The following CLIC4 variants were observed in gnomAD, a reference collection of about 807,000 sequenced individuals.
CLIC4 encodes the protein CLIC family member 4.
In CLIC4, 13 loss-of-function variants were observed where a neutral mutation model predicts 24.6. The observed-to-expected ratio is 0.53, with a 90% CI of 0.34 to 0.84. CLIC4 has a LOEUF of 0.84. Among genes scored for constraint, CLIC4 ranks in the 40% least tolerant of loss-of-function variants. The probability of loss-of-function intolerance (pLI) is 0.01; values close to 1 mark genes in which losing one functional copy is unlikely to be tolerated. For missense variants in CLIC4, 227 were observed against 301.7 expected (o/e 0.75, Z 1.83); for synonymous variants, 104 against 111.3 (o/e 0.93, Z 0.41).
In CLIC4 at chr1:24,841,562, A is replaced by G. The variant is rs901916932; in HGVS notation, c.*625A>G. On this transcript the variant is annotated 3_prime_UTR_variant, in exon 6 of 6. Transcript: ENST00000374379. ...GTAGATAGATTTTTACTTTTGCCTA[A>G]AAGCATTTATCCTTCATACCAATTG... is the stretch of plus-strand genomic sequence containing the variant. The G allele has an allele frequency of 1.3e-5, 2 of 152,154 alleles. No homozygotes were observed. The highest frequency in any genetic ancestry group is 3.8e-4 in the East Asian group (2 of 5,202). The allele number at this position is 152,154 out of a possible 1,614,324, so 9.4% of individuals were successfully genotyped here.
At chr1:24,806,847 A>G (rs993116806) in intron 2 of CLIC4, among the ~76,000 whole-genome samples, 7 of 152,332 alleles carry the variant, frequency 4.6e-5, no homozygotes, top group African/African-American at 1.4e-4. Context: ...CAGATCTTAT[A>G]AAGAGGAAAT....
intron 2 of CLIC4, among the ~76,000 whole-genome samples, chr1:24,799,798 G>A (rs1571249958): frequency 1.1e-5 from 1 of 88,102 alleles, no homozygotes; most frequent in African/African-American, 4.5e-5. Context: ...GAGGTGAGGG[G>A]CGCCTCTGCC....
chr1:24,798,078 T>A (rs1368493695), intron 2 of CLIC4: 2 of 388,336 alleles, frequency 5.2e-6, no homozygotes, highest in African/African-American at 4.2e-5. Context: ...TTACCTTAAA[T>A]TTCATGAGTA....
chr1:24,798,154 A>T (rs1571248472), intron 2 of CLIC4, among the ~76,000 whole-genome samples: 1 of 152,216 alleles, frequency 6.6e-6, no homozygotes, highest in African/African-American at 2.4e-5. Context: ...CAGTGTAAAC[A>T]TGGAGTCATG....
chr1:24,762,314 T>G (rs1226367211), intron 1 of CLIC4, among the ~76,000 whole-genome samples: 1 of 152,054 alleles, frequency 6.6e-6, no homozygotes, highest in African/African-American at 2.4e-5. Context: ...CCTAGCTACT[T>G]CAGGAGGCTG....
intron 4 of CLIC4, 49 bp downstream of exon 4, chr1:24,827,165 A>C: frequency 8.9e-7 from 1 of 1,119,184 alleles, no homozygotes; most frequent in Non-Finnish European, 1.3e-6. Context: ...ACCCCAAACA[A>C]CAACAGGCTG....
rs570416493 is a variant in CLIC4 at position 24,797,685 on chromosome 1, G to T, written c.73-57G>T. The T allele has an allele frequency of 2.2e-5, 27 of 1,209,724 alleles. No homozygotes were observed. In the African/African-American group the frequency reaches 3.9e-4, roughly 17 times the overall value. 74.9% of individuals were successfully genotyped at this position (1,209,724 alleles called of 1,614,324 possible). A position where few individuals can be genotyped will look rare whatever the true frequency, so the allele number is the denominator to read the frequency against. ...TTGATTAAAATTCAGAAAAAGTTAT[G>T]TCATGTTGAGTATCATCACTTTGAC... On this transcript the variant is annotated intron_variant, in intron 1 of 5. Transcript: ENST00000374379.
At chr1:24,826,885 T>C (rs1639791578) in intron 3 of CLIC4, 125 bp from the exon 4 acceptor site, 2 of 586,728 alleles carry the variant, frequency 3.4e-6, no homozygotes, top group Non-Finnish European at 6.0e-6. Flanking sequence ...AGAAAACAAA[T>C]GATGGTATTT....
At chr1:24,777,084 G>A (rs1005205050) in intron 1 of CLIC4, among the ~76,000 whole-genome samples, 5 of 152,128 alleles carry the variant, frequency 3.3e-5, no homozygotes, top group African/African-American at 1.2e-4. Flanking sequence ...TCTCCTTTGT[G>A]TGTGTGCATG....
chr1:24,814,964 A>T (rs937878568), intron 3 of CLIC4, among the ~76,000 whole-genome samples: 1 of 152,178 alleles, frequency 6.6e-6, no homozygotes, highest in African/African-American at 2.4e-5. Context: ...GAATGGGATT[A>T]TTGAGATGGA....
At chr1:24,794,033 T>G (rs990924447) in intron 1 of CLIC4, among the ~76,000 whole-genome samples, 3 of 151,772 alleles carry the variant, frequency 2.0e-5, no homozygotes, top group African/African-American at 7.3e-5. Flanking sequence ...AACGTTCTCT[T>G]CCAGCATTCC....
At chr1:24,762,299 A>AT (rs1401701259) in intron 1 of CLIC4, among the ~76,000 whole-genome samples, 1 of 152,140 alleles carries the variant, frequency 6.6e-6, no homozygotes, top group Non-Finnish European at 1.5e-5. Context: ...TCACATGCCT[A>AT]TAGTCCTAGC....
At chr1:24,798,071 C>T in intron 2 of CLIC4, 1 of 393,844 alleles carries the variant, frequency 2.5e-6, no homozygotes, top group Non-Finnish European at 4.6e-6. Flanking sequence ...TGTATGTTTA[C>T]CTTAAATTTC....
chr1:24,824,996 TCACACACACACACACACACA>T (rs3220273), intron 3 of CLIC4, among the ~76,000 whole-genome samples: 6 of 133,866 alleles, frequency 4.5e-5, no homozygotes, highest in African/African-American at 8.4e-5. Context: ...GGAGACCCTG[TCACACACACACACACACACA>T]CACACACACA....
chr1:24,756,301 C>T (rs1439003526), intron 1 of CLIC4, among the ~76,000 whole-genome samples: 2 of 152,136 alleles, frequency 1.3e-5, no homozygotes, highest in Non-Finnish European at 2.9e-5. Context: ...GCCCTGCTAA[C>T]ATTAGTGTTT....
At chr1:24,832,218 T>C (rs1298999595) in intron 4 of CLIC4, among the ~76,000 whole-genome samples, 2 of 318 alleles carry the variant, frequency 6.3e-3, no homozygotes, top group Admixed American at 0.1. Context: ...TTTTTTTTAT[T>C]TTTTATTTTT....
intron 1 of CLIC4, among the ~76,000 whole-genome samples, chr1:24,797,499 G>A (rs11249173): frequency 0.59 from 86,580 of 147,926 alleles, 27,484 homozygotes; most frequent in Non-Finnish European, 0.71. Context: ...AGGTTGCAGT[G>A]AGCTGAGATC....
Position 24,793,618 on chromosome 1 carries a change from G to T in CLIC4, c.73-4124G>T, listed in dbSNP as rs1460158325. On this transcript the variant is annotated intron_variant, in intron 1 of 5. Coordinates refer to ENST00000374379, the MANE Select transcript of CLIC4 (RefSeq NM_013943.3). ...GGCCTTTTTTAGGAAGTACATTTTT[G>T]TACAAGTTATATGTAGTATTAGGAA... Among the ~76,000 whole-genome samples the T allele has an allele frequency of 2.0e-5, 3 of 152,018 alleles. No homozygotes were observed. The East Asian group carries it at 5.8e-4, about 29-fold the overall frequency.
chr1:24,830,046 T>C (rs900892900), intron 4 of CLIC4, among the ~76,000 whole-genome samples: 2 of 152,206 alleles, frequency 1.3e-5, no homozygotes, highest in Non-Finnish European at 2.9e-5. Context: ...GTTTTAGTCA[T>C]TGTAAATTAT....
Sources: allele counts gnomAD v4.1 joint callset (sites outside exome capture counted in the v4.1 genomes callset), GRCh38; gene constraint gnomAD v4.1.1; transcripts MANE v1.5; gene names NCBI Gene and HGNC (gene_info 2026-07-23, HGNC 2026-07-21).